SLC17A1: variants seen among roughly 807,000 people sequenced by gnomAD.
SLC17A1 encodes solute carrier family 17 member 1, also known as sodium-dependent phosphate transport protein 1.
A neutral mutation model predicts 53.5 loss-of-function variants in SLC17A1; 51 were observed. The ratio of observed to expected loss-of-function variants is 0.95; its 90% CI spans 0.76 to 1.20. SLC17A1 has a LOEUF of 1.20. SLC17A1 is among the 50% of genes most tolerant of loss of function. SLC17A1 has a pLI of 0.00. For synonymous variants in SLC17A1, 179 were observed against 198.8 expected (o/e 0.90, Z 0.84); for missense variants, 538 against 568.2 (o/e 0.95, Z 0.54).
chr6:25,822,656 A>G (rs773865512), intron 3 of SLC17A1, among the ~76,000 whole-genome samples: 6 of 152,130 alleles, frequency 3.9e-5, no homozygotes, highest in Non-Finnish European at 8.8e-5. Context: ...CTCCTCTTTT[A>G]GAGCCATAGT....
chr6:25,776,575 A>G, the SLC17A1 span: 116 of 1,585,120 alleles, frequency 7.3e-5, no homozygotes, highest in African/African-American at 1.5e-3. Flanking sequence ...CATGCACCTG[A>G]CCTAGTCTCT....
At chr6:25,806,694 A>G (rs1317547532) in intron 10 of SLC17A1, among the ~76,000 whole-genome samples, 2 of 152,160 alleles carry the variant, frequency 1.3e-5, no homozygotes, top group Admixed American at 1.3e-4. Context: ...TAATTAAACT[A>G]AAAAGATCCT....
chr6:25,823,161 C>G (rs918975599), intron 3 of SLC17A1, among the ~76,000 whole-genome samples: 5 of 152,114 alleles, frequency 3.3e-5, no homozygotes, highest in African/African-American at 1.2e-4. Flanking sequence ...CTAAGTAGTA[C>G]TCCATTTTAT....
chr6:25,824,178 G>A (rs1764658774), intron 3 of SLC17A1, among the ~76,000 whole-genome samples: 1 of 151,818 alleles, frequency 6.6e-6, no homozygotes, highest in Admixed American at 6.6e-5. Context: ...GTTATGCAAA[G>A]ATTTCTTATA....
At position 25,811,382 on chromosome 6, in the gene SLC17A1, T is replaced by C. The variant is rs1417937650; in HGVS notation, c.1178+16A>G. 1 of 1,597,106 alleles carries C rather than the reference T, an allele frequency of 6.3e-7. No individual in the cohort carries two copies. Among genetic ancestry groups the C allele is most frequent in the Non-Finnish European group, 8.5e-7 (1 of 1,170,742 alleles). On this transcript the variant is annotated intron_variant, in intron 10 of 12. Transcript: ENST00000244527. ...ATTTGTTAAAGGTTAAAAAAAAGCG[T>C]ATAAACAAATCCTACCTGGGAGCAA...
chr6:25,831,727 A>T (rs1764957058), intron 1 of SLC17A1, among the ~76,000 whole-genome samples: 1 of 152,140 alleles, frequency 6.6e-6, no homozygotes, highest in African/African-American at 2.4e-5. Context: ...TTACAGACAC[A>T]GCACACCACA....
the SLC17A1 span, among the ~76,000 whole-genome samples, chr6:25,736,014 C>T: frequency 1.3e-5 from 2 of 152,092 alleles, no homozygotes; most frequent in East Asian, 1.9e-4. Context: ...GAAAATTAAT[C>T]CAGAGCTGCC....
intron 12 of SLC17A1, among the ~76,000 whole-genome samples, chr6:25,788,709 T>C (rs1763437322): frequency 6.6e-6 from 1 of 151,758 alleles, no homozygotes; most frequent in African/African-American, 2.4e-5. Flanking sequence ...AATCAGAGCA[T>C]GGGCAGGAAA....
chr6:25,828,102 C>G (rs932793367), intron 2 of SLC17A1, among the ~76,000 whole-genome samples: 2 of 152,146 alleles, frequency 1.3e-5, no homozygotes, highest in African/African-American at 4.8e-5. Flanking sequence ...AACACTTTTA[C>G]CACGTAATGG....
intron 6 of SLC17A1, among the ~76,000 whole-genome samples, chr6:25,815,734 T>C (rs1377404813): frequency 6.6e-6 from 1 of 151,858 alleles, no homozygotes; most frequent in Non-Finnish European, 1.5e-5. Context: ...TCTCCAGGAG[T>C]GGTCTTGGAA....
chr6:25,784,612 G>A (rs1047771689), intron 12 of SLC17A1, among the ~76,000 whole-genome samples: 8 of 152,080 alleles, frequency 5.3e-5, no homozygotes, highest in Non-Finnish European at 7.4e-5. Flanking sequence ...TAAACACCTC[G>A]TACTACGCCC....
intron 10 of SLC17A1, among the ~76,000 whole-genome samples, chr6:25,806,079 G>T (rs1249164708): frequency 6.6e-6 from 1 of 151,968 alleles, no homozygotes. Flanking sequence ...AACAGAAAAA[G>T]AAAAGTATAG....
chr6:25,779,195 C>A, downstream of SLC17A1: 1 of 1,613,100 alleles, frequency 6.2e-7, no homozygotes, highest in South Asian at 1.1e-5. Context: ...CTGAGCAAAC[C>A]GAGAGATGTG....
the SLC17A1 span, chr6:25,727,357 A>C: frequency 2.1e-6 from 3 of 1,417,468 alleles, no homozygotes; most frequent in South Asian, 2.9e-5. Context: ...ACATACTGAA[A>C]CAGCTGTGGG....
chr6:25,735,779 T>C, the SLC17A1 span, among the ~76,000 whole-genome samples: 11 of 152,200 alleles, frequency 7.2e-5, no homozygotes, highest in African/African-American at 2.4e-4. Context: ...GGTTCATGAC[T>C]TGCTCTTCAG....
chr6:25,788,565 G>A (rs953472046), intron 12 of SLC17A1, among the ~76,000 whole-genome samples: 4 of 152,160 alleles, frequency 2.6e-5, no homozygotes, highest in Non-Finnish European at 4.4e-5. Context: ...AGGTGCAGAG[G>A]GTGTCTGAGC....
At chr6:25,829,619 C>T (rs1476563108) in intron 2 of SLC17A1, among the ~76,000 whole-genome samples, 2 of 151,968 alleles carry the variant, frequency 1.3e-5, no homozygotes. Context: ...CCACATTGCT[C>T]CAGGAAGTCC....
intron 12 of SLC17A1, among the ~76,000 whole-genome samples, chr6:25,794,964 A>G (rs1763574552): frequency 6.6e-6 from 1 of 152,212 alleles, no homozygotes; most frequent in South Asian, 2.1e-4. Context: ...TTTGAGAGTG[A>G]CAGGTAAAAT....
the SLC17A1 span, among the ~76,000 whole-genome samples, chr6:25,756,647 C>T: frequency 1.4e-4 from 21 of 152,240 alleles, no homozygotes; most frequent in African/African-American, 3.6e-4. Flanking sequence ...AAACCATTAT[C>T]GCCTGTTACT....
Sources: gnomAD v4.1 joint callset for allele counts (sites outside exome capture counted in the v4.1 genomes callset) on GRCh38, gnomAD v4.1.1 for gene constraint, MANE v1.5 for transcripts, NCBI Gene and HGNC (gene_info 2026-07-23, HGNC 2026-07-21) for gene names.